The following MROH9 variants were observed in gnomAD, a reference collection of about 807,000 sequenced individuals.
The protein encoded by MROH9 is maestro heat like repeat family member 9.
A neutral mutation model predicts 98.2 loss-of-function variants in MROH9; 92 were observed. The ratio of observed to expected loss-of-function variants is 0.94; its 90% CI spans 0.79 to 1.11. The LOEUF (loss-of-function observed/expected upper bound fraction) is 1.11, where lower values mean the gene tolerates loss of function less well. MROH9 is among the 50% of genes most tolerant of loss of function. The probability of loss-of-function intolerance (pLI) is 0.00; values close to 1 mark genes in which losing one functional copy is unlikely to be tolerated. For missense variants in MROH9, 1,057 were observed against 1,014.8 expected, an observed-to-expected ratio of 1.04 and a Z score of -0.57; for synonymous variants, 397 against 368.9, an observed-to-expected ratio of 1.08 and a Z score of -0.87.
intron 7 of MROH9, among the ~76,000 whole-genome samples, chr1:170,965,999 G>A (rs547863219): frequency 3.3e-5 from 5 of 151,990 alleles, no homozygotes; most frequent in South Asian, 2.1e-4. Flanking sequence ...TTCAGTTGAT[G>A]GACATTAAAG....
rs189377170 is a variant in MROH9 at position 171,032,143 on chromosome 1, T to C, written c.2281+6723T>C. ...TCAGCTCCATCAGATCATTTATGTTTCTCTCTAAACTGGTTATTCAGTTAG... is the reference window on the plus strand; with the variant it reads ...TCAGCTCCATCAGATCATTTATGTTCCTCTCTAAACTGGTTATTCAGTTAG... On this transcript the variant is annotated intron_variant, in intron 20 of 21. Coordinates refer to ENST00000367759, the MANE Select transcript of MROH9 (RefSeq NM_001163629.2). 3.0e-4 allele frequency among the ~76,000 whole-genome samples: 46 copies of C among 152,306 alleles called. No individual in the cohort carries two copies. In the East Asian group the frequency reaches 8.9e-3, roughly 29 times the overall value.
At chr1:171,009,505 T>C (rs942719248) in intron 15 of MROH9, among the ~76,000 whole-genome samples, 27 of 152,188 alleles carry the variant, frequency 1.8e-4, no homozygotes, top group South Asian at 4.1e-4. Flanking sequence ...TTAATCCTAT[T>C]AGATGCCAGG....
At chr1:170,977,958 TG>T (rs1650779207) in intron 8 of MROH9, among the ~76,000 whole-genome samples, 4 of 152,204 alleles carry the variant, frequency 2.6e-5, no homozygotes, top group Non-Finnish European at 4.4e-5. Flanking sequence ...GGAGACAGAC[TG>T]GCCCCCTTTC....
At chr1:171,028,220 C>T (rs755896095) in intron 20 of MROH9, among the ~76,000 whole-genome samples, 8 of 151,974 alleles carry the variant, frequency 5.3e-5, no homozygotes, top group African/African-American at 9.7e-5. Context: ...GTAAGGAAAG[C>T]GTCTAGTTTC....
At chr1:170,958,592 T>C (rs1411483825) in intron 4 of MROH9, 52 bp downstream of exon 4, 1 of 1,200,068 alleles carries the variant, frequency 8.3e-7, no homozygotes, top group Middle Eastern at 2.1e-4. Context: ...GCATTTAAAA[T>C]GTTATATCTT....
Position 171,064,180 on chromosome 1 carries a change from C to T in MROH9, c.2426C>T (p.Ala809Val), listed in dbSNP as rs1654098857. The T allele has an allele frequency of 6.4e-7, 1 of 1,551,174 alleles. No individual in the cohort carries two copies. The highest frequency in any genetic ancestry group is 1.2e-5 in the South Asian group (1 of 83,992). ...ACCTATGATATTTTTAAGAAAAAAG[C>T]CCATAAACTGACCTCTGCACCTCTT... ...EITYDIFKKK[A>V]HKLTSAPLKQ... Residue 809 changes from alanine to valine, a missense_variant, in exon 22 of 22, where the codon GCC becomes GTC. Physicochemically the swap from Ala to Val is moderately conservative, Grantham distance 64 (BLOSUM62 0). Coordinates refer to ENST00000367759, the MANE Select transcript of MROH9 (RefSeq NM_001163629.2).
intron 20 of MROH9, among the ~76,000 whole-genome samples, chr1:171,055,572 A>G (rs958688875): frequency 1.3e-5 from 2 of 150,648 alleles, no homozygotes; most frequent in African/African-American, 2.4e-5. Context: ...GCAGGAGCCA[A>G]GATCGCTCCA....
chr1:171,035,368 C>A (rs1043065479), intron 20 of MROH9, among the ~76,000 whole-genome samples: 1 of 151,554 alleles, frequency 6.6e-6, no homozygotes, highest in Non-Finnish European at 1.5e-5. Context: ...TATTAATAAT[C>A]AGAAACATGC....
chr1:170,985,449 G>C (rs1000707364), intron 9 of MROH9, among the ~76,000 whole-genome samples: 1 of 152,130 alleles, frequency 6.6e-6, no homozygotes, highest in African/African-American at 2.4e-5. Flanking sequence ...TATTTCTGGA[G>C]AGTTACGTGT....
intron 20 of MROH9, among the ~76,000 whole-genome samples, chr1:171,060,666 C>T (rs1057275734): frequency 4.6e-5 from 7 of 152,100 alleles, no homozygotes; most frequent in Non-Finnish European, 8.8e-5. Context: ...TTTCTCTTAA[C>T]GGTGCAGTAT....
At chr1:171,023,200 A>G (rs574751687) in intron 17 of MROH9, among the ~76,000 whole-genome samples, 103 of 152,322 alleles carry the variant, frequency 6.8e-4, no homozygotes, top group African/African-American at 2.3e-3. Context: ...AGCCTGGGCA[A>G]CAGAGTGAGA....
At chr1:170,994,935 G>A (rs772025548) in intron 12 of MROH9, among the ~76,000 whole-genome samples, 1 of 133,018 alleles carries the variant, frequency 7.5e-6, no homozygotes, top group Non-Finnish European at 1.8e-5. Context: ...TATTTCTGAT[G>A]TGGTGACCTC....
chr1:171,052,010 C>T (rs10913470), intron 20 of MROH9, among the ~76,000 whole-genome samples: 317 of 151,648 alleles, frequency 2.1e-3, no homozygotes, highest in African/African-American at 7.4e-3. Context: ...TAGAATTCAA[C>T]TGTGGATCAG....
rs186029869 is a variant in MROH9, at chr1:171,002,252, T to C, written c.1596+3978T>C. ...GACCATTTACATTCAATGTTAGTAT[T>C]GAAATGTGAGGTACTGTTGCATTCA... On this transcript the variant is annotated intron_variant, in intron 15 of 21. Transcript: ENST00000367759. Among the ~76,000 whole-genome samples the C allele has an allele frequency of 2.8e-3, 426 of 152,318 alleles. 2 individuals are homozygous for C. The highest frequency in any genetic ancestry group is 6.2e-3 in the Admixed American group (95 of 15,288).
At position 170,971,783 on chromosome 1, in the gene MROH9, A is replaced by G. The variant is rs777693910; in HGVS notation, c.516A>G (p.Ala172=). The part of the protein sequence containing the change: ...SVDAPCLGLL[A]AELSLLCSHE... ...ATGCTCCATGTTTGGGTCTCCTGGC[A>G]GCAGAGCTGTCTCTTTTGTGTTCCC... The change falls in exon 8 of 22, where the codon GCA becomes GCG. Residue 172 remains alanine, a synonymous_variant. Transcript: ENST00000367759. 12 of 1,613,958 alleles carry G rather than the reference A, an allele frequency of 7.4e-6. No homozygotes were observed. Among genetic ancestry groups the G allele is most frequent in the Middle Eastern group, 3.3e-4 (2 of 6,082 alleles).
intron 3 of MROH9, among the ~76,000 whole-genome samples, chr1:170,954,195 A>G (rs943621756): frequency 6.6e-6 from 1 of 152,046 alleles, no homozygotes; most frequent in Non-Finnish European, 1.5e-5. Context: ...TTCCAATCCA[A>G]CTGCTCCAGC....
chr1:171,058,009 C>T (rs1653899643), intron 20 of MROH9, among the ~76,000 whole-genome samples: 1 of 151,922 alleles, frequency 6.6e-6, no homozygotes, highest in South Asian at 2.1e-4. Flanking sequence ...GCAAGAGAAA[C>T]AAATAAAGCA....
At chr1:171,028,817 C>T (rs1652814803) in intron 20 of MROH9, among the ~76,000 whole-genome samples, 1 of 152,124 alleles carries the variant, frequency 6.6e-6, no homozygotes, top group African/African-American at 2.4e-5. Flanking sequence ...CATGATTTGG[C>T]TCTCTGTGTG....
intron 15 of MROH9, among the ~76,000 whole-genome samples, chr1:171,006,378 A>G (rs1651952992): frequency 6.6e-6 from 1 of 152,100 alleles, no homozygotes; most frequent in Admixed American, 6.6e-5. Flanking sequence ...TAATAATTAG[A>G]TTATAATGTG....
Sources: gnomAD v4.1 joint callset for allele counts (sites outside exome capture counted in the v4.1 genomes callset) on GRCh38, gnomAD v4.1.1 for gene constraint, MANE v1.5 for transcripts, NCBI Gene and HGNC (gene_info 2026-07-23, HGNC 2026-07-21) for gene names.